SYNJ1: variants seen among roughly 807,000 people sequenced by gnomAD.
SYNJ1 encodes polyphosphatidylinositol phosphatase SYNJ1.
SYNJ1 carries 78 observed loss-of-function variants against 168.2 expected under a neutral mutation model. That is an observed-to-expected ratio of 0.46 (90% confidence interval 0.39 to 0.56). SYNJ1 has a LOEUF of 0.56. Among genes scored for constraint, SYNJ1 ranks in the 20% least tolerant of loss-of-function variants. SYNJ1 has a pLI of 0.00. For missense variants in SYNJ1, 1,303 were observed against 1,597.6 expected (o/e 0.82, Z 3.14); for synonymous variants, 539 against 548.6 (o/e 0.98, Z 0.24).
intron 6 of SYNJ1, among the ~76,000 whole-genome samples, chr21:32,689,254 G>A (rs1441570567): frequency 2.0e-5 from 3 of 152,082 alleles, no homozygotes; most frequent in Non-Finnish European, 2.9e-5. Context: ...ACTGAGGGGG[G>A]GCAAAAAAGT....
intron 11 of SYNJ1, 92 bp downstream of exon 11, chr21:32,681,404 A>G: frequency 2.9e-6 from 4 of 1,385,962 alleles, no homozygotes; most frequent in Non-Finnish European, 3.9e-6. Context: ...ATTAATTTAA[A>G]CCATCTATTA....
intron 4 of SYNJ1, among the ~76,000 whole-genome samples, chr21:32,696,731 C>A (rs972501459): frequency 1.3e-5 from 2 of 152,216 alleles, no homozygotes; most frequent in Non-Finnish European, 2.9e-5. Flanking sequence ...CAACTCCCTG[C>A]CAGCCCCTCA....
upstream of SYNJ1, chr21:32,728,225 G>C (rs936056462): frequency 3.1e-6 from 2 of 647,618 alleles, no homozygotes; most frequent in Non-Finnish European, 5.0e-6. Flanking sequence ...CCCACCGCCG[G>C]GGGTGCAGGG....
Position 32,630,927 on chromosome 21 carries a change from A to C in SYNJ1, c.*878T>G. 7.0e-7 allele frequency: 1 copy of C among 1,431,584 alleles called. No homozygotes were observed. Among genetic ancestry groups the C allele is most frequent in the Non-Finnish European group, 9.4e-7 (1 of 1,059,110 alleles). 88.7% of individuals were successfully genotyped at this position (1,431,584 alleles called of 1,614,324 possible). ...AATGACTTATTGCACATAATGAAAT[A>C]CTAATGCCCAATTCTCTTAGCTCTA... On this transcript the variant is annotated 3_prime_UTR_variant, in exon 33 of 33. Transcript: ENST00000674351.
At chr21:32,664,465 T>C (rs1360690855) in intron 18 of SYNJ1, among the ~76,000 whole-genome samples, 2 of 152,176 alleles carry the variant, frequency 1.3e-5, no homozygotes, top group Non-Finnish European at 2.9e-5. Flanking sequence ...CCGCTTGTGC[T>C]ATCTATAGAT....
chr21:32,685,435 A>AT (rs1051068851), intron 9 of SYNJ1, among the ~76,000 whole-genome samples: 1 of 148,224 alleles, frequency 6.7e-6, no homozygotes, highest in Non-Finnish European at 1.5e-5. Flanking sequence ...CAAAAAAAAA[A>AT]AAAAAAAAAA....
Position 32,631,784 on chromosome 21 carries a change from G to A in SYNJ1, c.*21C>T, listed in dbSNP as rs756737216. ...ATGGTGATTCTCTTTTGCCATCAGA[G>A]ATTCCATTTGTTTTTACCTGCAAAA... is the stretch of plus-strand genomic sequence containing the variant. On this transcript the variant is annotated 3_prime_UTR_variant, in exon 33 of 33. Coordinates refer to ENST00000674351, the MANE Select transcript of SYNJ1 (RefSeq NM_203446.3). 3 of 1,610,038 alleles carry A rather than the reference G, an allele frequency of 1.9e-6. No homozygotes were observed. Among genetic ancestry groups the A allele is most frequent in the South Asian group, 1.1e-5 (1 of 90,736 alleles).
chr21:32,658,261 G>T (rs2040540449), intron 18 of SYNJ1, among the ~76,000 whole-genome samples: 2 of 152,124 alleles, frequency 1.3e-5, no homozygotes, highest in African/African-American at 2.4e-5. Context: ...AAAACCCCAG[G>T]CTCAGCTGGC....
Position 32,643,554 on chromosome 21 carries a change from T to C in SYNJ1, c.3431-97A>G, listed in dbSNP as rs926485448. 1.2e-5 allele frequency: 15 copies of C among 1,267,184 alleles called. No individual in the cohort carries two copies. In the African/African-American group the frequency reaches 2.1e-4, roughly 18 times the overall value. 78.5% of individuals were successfully genotyped at this position (1,267,184 alleles called of 1,614,324 possible). A position where few individuals can be genotyped will look rare whatever the true frequency, so the allele number is the denominator to read the frequency against. The stretch of plus-strand genomic sequence containing the variant: ...GACAATTTCCATAGTAAACTCACTT[T>C]TGCAAAAAGGCTCTTTTATTGCTTT... On this transcript the variant is annotated intron_variant, in intron 26 of 32. Coordinates refer to ENST00000674351, the MANE Select transcript of SYNJ1 (RefSeq NM_203446.3).
chr21:32,699,596 C>T (rs778898310), intron 4 of SYNJ1, among the ~76,000 whole-genome samples: 1 of 152,152 alleles, frequency 6.6e-6, no homozygotes, highest in East Asian at 1.9e-4. Flanking sequence ...ACCACCCCCT[C>T]GTGCCTGCTC....
chr21:32,724,945 T>C (rs1249673020), intron 2 of SYNJ1, among the ~76,000 whole-genome samples: 1 of 152,176 alleles, frequency 6.6e-6, no homozygotes, highest in Non-Finnish European at 1.5e-5. Context: ...GCTTAGACAA[T>C]ATTTTAATAT....
Position 32,657,753 on chromosome 21 carries a change from G to A in SYNJ1, c.2424C>T (p.Val808=). ...KCRTPAWTDR[V]LWRRRKWPFD... ...AAGGCCATTTCCTCCTTCTCCAAAG[G>A]ACACGGTCTGTCCAGGCAGGGGTGC... Residue 808 remains valine, a synonymous_variant, in exon 19 of 33, where the codon GTC becomes GTT. Transcript: ENST00000674351. 1 of 1,612,556 alleles carries A rather than the reference G, an allele frequency of 6.2e-7. No individual in the cohort carries two copies. Among genetic ancestry groups the A allele is most frequent in the Non-Finnish European group, 8.5e-7 (1 of 1,179,456 alleles).
chr21:32,666,144 CAAAG>C lies in SYNJ1; in HGVS notation c.1953-13_1953-10del. 1 of 1,581,560 alleles carries C rather than the reference CAAAG, an allele frequency of 6.3e-7. No individual in the cohort carries two copies. The highest frequency in any genetic ancestry group is 8.6e-7 in the Non-Finnish European group (1 of 1,165,418). On this transcript the variant is annotated splice_polypyrimidine_tract_variant and intron_variant, in intron 16 of 32. Transcript: ENST00000674351. ...TATCAACTGCAACATCCCTTTGAAA[CAAAG>C]AATTCTAAATCGCAGATTTGAAATT...
chr21:32,683,500 T>C lies in SYNJ1; in HGVS notation c.1200+538A>G, dbSNP rs76552281. On this transcript the variant is annotated intron_variant, in intron 10 of 32. Coordinates refer to ENST00000674351, the MANE Select transcript of SYNJ1 (RefSeq NM_203446.3). The stretch of plus-strand genomic sequence containing the variant: ...ACAAACTGGATTGGTATCAGAGAAG[T>C]TGAATTGCATTCATTTTCATTCTCA... 1.4e-4 allele frequency among the ~76,000 whole-genome samples: 21 copies of C among 152,224 alleles called. 1 individual carries two copies. The East Asian group carries it at 3.1e-3, about 22-fold the overall frequency.
At chr21:32,642,530 G>C (rs539469197) in intron 27 of SYNJ1, among the ~76,000 whole-genome samples, 10 of 152,354 alleles carry the variant, frequency 6.6e-5, no homozygotes, top group African/African-American at 2.4e-4. Context: ...CTGAGCAACA[G>C]ACAGGACTGC....
intron 22 of SYNJ1, 51 bp from the exon 23 acceptor site, chr21:32,650,397 A>G (rs371319792): frequency 3.1e-5 from 48 of 1,523,924 alleles, no homozygotes; most frequent in Middle Eastern, 2.1e-4. Context: ...AAGCTAACTA[A>G]TTTGGAATAA....
At chr21:32,666,663 C>CT in intron 15 of SYNJ1, 90 bp from the exon 16 acceptor site, 1 of 1,349,018 alleles carries the variant, frequency 7.4e-7, no homozygotes, top group Non-Finnish European at 9.9e-7. Flanking sequence ...TTTATCTACC[C>CT]AAATATCCTA....
intron 6 of SYNJ1, among the ~76,000 whole-genome samples, chr21:32,693,265 T>C (rs954885672): frequency 2.6e-5 from 4 of 152,164 alleles, no homozygotes; most frequent in Non-Finnish European, 5.9e-5. Flanking sequence ...TGGGGTTCTG[T>C]TGGCATTCTC....
At chr21:32,639,874 T>C in intron 29 of SYNJ1, 95 bp from the exon 30 acceptor site, 1 of 984,056 alleles carries the variant, frequency 1.0e-6, no homozygotes, top group Non-Finnish European at 1.5e-6. Flanking sequence ...TTTACTTTCT[T>C]CTATGGTATT....
Sources: gnomAD v4.1 joint callset for allele counts (sites outside exome capture counted in the v4.1 genomes callset) on GRCh38, gnomAD v4.1.1 for gene constraint, MANE v1.5 for transcripts, NCBI Gene and HGNC (gene_info 2026-07-23, HGNC 2026-07-21) for gene names.